The following KIAA1217 variants were observed in gnomAD, a reference collection of about 807,000 sequenced individuals.
KIAA1217 encodes KIAA1217, also known as sickle tail protein homolog.
Under a neutral mutation model 163.9 loss-of-function variants are expected in KIAA1217, and 88 were observed. The ratio of observed to expected loss-of-function variants is 0.54; its 90% CI spans 0.45 to 0.64. The LOEUF is 0.64. KIAA1217 is among the 30% of genes least tolerant of loss of function. KIAA1217 has a pLI of 0.00. For synonymous variants in KIAA1217, 903 were observed against 923.1 expected, an observed-to-expected ratio of 0.98 and a Z score of 0.39; for missense variants, 2,372 against 2,475.0, an observed-to-expected ratio of 0.96 and a Z score of 0.88.
intron 2 of KIAA1217, among the ~76,000 whole-genome samples, chr10:24,292,531 T>C (rs1285754033): frequency 6.6e-6 from 1 of 152,108 alleles, no homozygotes; most frequent in Non-Finnish European, 1.5e-5. Flanking sequence ...GCCATGAGGG[T>C]TCTTACATTC....
chr10:23,758,105 G>A (rs1161603492), intron 1 of KIAA1217, among the ~76,000 whole-genome samples: 1 of 152,042 alleles, frequency 6.6e-6, no homozygotes, highest in East Asian at 1.9e-4. Flanking sequence ...TCCCTTTGGT[G>A]TTATCATATA....
chr10:24,334,365 C>T (rs745686283), intron 2 of KIAA1217, among the ~76,000 whole-genome samples: 1 of 147,738 alleles, frequency 6.8e-6, no homozygotes, highest in Non-Finnish European at 1.5e-5. Context: ...TATAGTGAGA[C>T]CCTGTGTCTT....
intron 1 of KIAA1217, among the ~76,000 whole-genome samples, chr10:23,990,437 G>A (rs11013831): frequency 0.2 from 30,798 of 151,708 alleles, 3,404 homozygotes; most frequent in Middle Eastern, 0.26. Flanking sequence ...TTAAATTATT[G>A]ATGTTAATAA....
At chr10:24,061,614 T>G (rs2060724936) in intron 2 of KIAA1217, among the ~76,000 whole-genome samples, 2 of 152,188 alleles carry the variant, frequency 1.3e-5, no homozygotes, top group Non-Finnish European at 2.9e-5. Flanking sequence ...CTGAAAAGTC[T>G]TTATCTCTTC....
At chr10:23,760,104 C>A (rs977534891) in intron 1 of KIAA1217, among the ~76,000 whole-genome samples, 2 of 152,134 alleles carry the variant, frequency 1.3e-5, no homozygotes, top group South Asian at 4.2e-4. Flanking sequence ...GTGCCTAGAC[C>A]CTCACACATA....
At chr10:23,704,328 A>C (rs1466424733) in intron 1 of KIAA1217, among the ~76,000 whole-genome samples, 1 of 150,468 alleles carries the variant, frequency 6.6e-6, no homozygotes, top group Admixed American at 6.6e-5. Flanking sequence ...CAATTCATCC[A>C]TTTAAAGAGT....
chr10:24,333,531 G>T (rs1275905822), intron 2 of KIAA1217, among the ~76,000 whole-genome samples: 1 of 152,156 alleles, frequency 6.6e-6, no homozygotes, highest in African/African-American at 2.4e-5. Context: ...CCATCACTCA[G>T]GTAGTGAGCT....
At chr10:24,462,679 C>T (rs768439857) in intron 5 of KIAA1217, among the ~76,000 whole-genome samples, 8 of 152,074 alleles carry the variant, frequency 5.3e-5, no homozygotes, top group Admixed American at 5.2e-4. Flanking sequence ...CAATTGAGAG[C>T]CCTTTGTAAA....
intron 1 of KIAA1217, among the ~76,000 whole-genome samples, chr10:23,714,562 T>C (rs1275236184): frequency 6.6e-6 from 1 of 152,152 alleles, no homozygotes; most frequent in Non-Finnish European, 1.5e-5. Context: ...TTTCACCTGC[T>C]GGTCCACTGG....
At chr10:24,137,925 TA>T (rs1174173562) in intron 2 of KIAA1217, among the ~76,000 whole-genome samples, 2 of 152,232 alleles carry the variant, frequency 1.3e-5, no homozygotes, top group Admixed American at 6.5e-5. Flanking sequence ...TTTGTTGGGA[TA>T]TTTTTTGTTG....
At chr10:24,377,787 G>T (rs115011419) in intron 2 of KIAA1217, among the ~76,000 whole-genome samples, 362 of 152,260 alleles carry the variant, frequency 2.4e-3, no homozygotes, top group African/African-American at 8.3e-3. Context: ...CTTTCTCCAT[G>T]GTTCTTACTA....
intron 2 of KIAA1217, among the ~76,000 whole-genome samples, chr10:24,042,769 T>G (rs1056286198): frequency 6.6e-6 from 1 of 152,306 alleles, no homozygotes; most frequent in South Asian, 2.1e-4. Flanking sequence ...CAGATTTTAT[T>G]CTTGGTCGTG....
At chr10:24,534,401 A>G (rs1022353815) in intron 16 of KIAA1217, among the ~76,000 whole-genome samples, 1 of 152,224 alleles carries the variant, frequency 6.6e-6, no homozygotes, top group Non-Finnish European at 1.5e-5. Flanking sequence ...TAAAGCTGGT[A>G]TCTTTCAGGC....
intron 2 of KIAA1217, among the ~76,000 whole-genome samples, chr10:24,229,985 A>G (rs1223331570): frequency 6.6e-6 from 1 of 152,200 alleles, no homozygotes; most frequent in Non-Finnish European, 1.5e-5. Flanking sequence ...AAACGTATAG[A>G]AATAAAAAAT....
chr10:24,396,874 A>G (rs955385791), intron 3 of KIAA1217, among the ~76,000 whole-genome samples: 2 of 152,208 alleles, frequency 1.3e-5, no homozygotes, highest in African/African-American at 2.4e-5. Flanking sequence ...CAGTGGCGCC[A>G]CTTCAGATTT....
At chr10:23,880,830 G>T in intron 1 of KIAA1217, among the ~76,000 whole-genome samples, 1 of 151,998 alleles carries the variant, frequency 6.6e-6, no homozygotes, top group Non-Finnish European at 1.5e-5. Context: ...TTGATGGACA[G>T]TTCAAGGTCA....
At chr10:23,952,374 C>T (rs112452650) in intron 1 of KIAA1217, among the ~76,000 whole-genome samples, 610 of 152,218 alleles carry the variant, frequency 4.0e-3, no homozygotes, top group African/African-American at 0.013. Flanking sequence ...GTGTGTTCAG[C>T]GGGTGTCTCA....
intron 7 of KIAA1217, 47 bp from the exon 8 acceptor site, chr10:24,495,100 A>AAT: frequency 4.1e-6 from 6 of 1,471,266 alleles, no homozygotes; most frequent in Non-Finnish European, 5.5e-6. Flanking sequence ...AAAAAAAAAA[A>AAT]GGCATTTTGG....
At chr10:24,319,316 C>T (rs574114359) in intron 2 of KIAA1217, among the ~76,000 whole-genome samples, 1 of 130,540 alleles carries the variant, frequency 7.7e-6, no homozygotes, top group South Asian at 2.5e-4. Flanking sequence ...GCAGAGGTTG[C>T]AGTGAGCTGA....
Sources: gnomAD v4.1 joint callset for allele counts (sites outside exome capture counted in the v4.1 genomes callset) on GRCh38, gnomAD v4.1.1 for gene constraint, MANE v1.5 for transcripts, NCBI Gene and HGNC (gene_info 2026-07-23, HGNC 2026-07-21) for gene names.